The following TMEM132C variants were observed in gnomAD, a reference collection of about 807,000 sequenced individuals.
TMEM132C encodes the protein protein phosphatase 1, regulatory subunit 152.
In TMEM132C, 29 loss-of-function variants were observed where a neutral mutation model predicts 61.4. The ratio of observed to expected loss-of-function variants is 0.47; its 90% CI spans 0.35 to 0.64. The LOEUF (loss-of-function observed/expected upper bound fraction) is 0.64. Ranked by LOEUF, TMEM132C falls within the 30% of genes least tolerant of loss-of-function variation. TMEM132C has a pLI of 0.00. For synonymous variants in TMEM132C, 656 were observed against 633.1 expected, an observed-to-expected ratio of 1.04 and a Z score of -0.54; for missense variants, 1,408 against 1,476.9, an observed-to-expected ratio of 0.95 and a Z score of 0.76.
intron 1 of TMEM132C, among the ~76,000 whole-genome samples, chr12:128,281,202 T>G (rs1463596190): frequency 6.6e-6 from 1 of 152,176 alleles, no homozygotes; most frequent in Non-Finnish European, 1.5e-5. Context: ...CATGTATCAC[T>G]CAGCTGTCAA....
At chr12:128,666,684 G>A (rs1000047236) in intron 4 of TMEM132C, among the ~76,000 whole-genome samples, 1 of 152,332 alleles carries the variant, frequency 6.6e-6, no homozygotes, top group South Asian at 2.1e-4. Context: ...CAAACTACCA[G>A]TCAGAAGAGT....
At chr12:128,690,857 C>G (rs1954714431) in intron 5 of TMEM132C, among the ~76,000 whole-genome samples, 1 of 152,320 alleles carries the variant, frequency 6.6e-6, no homozygotes, top group Non-Finnish European at 1.5e-5. Flanking sequence ...CAAATTCTCT[C>G]AGCCCAGCCC....
At chr12:128,355,660 A>G (rs796939668) in intron 1 of TMEM132C, among the ~76,000 whole-genome samples, 30 of 151,036 alleles carry the variant, frequency 2.0e-4, no homozygotes, top group African/African-American at 7.3e-4. Flanking sequence ...ACCCCCAGGC[A>G]CCTCCCCTGA....
intron 2 of TMEM132C, among the ~76,000 whole-genome samples, chr12:128,474,698 C>A (rs781782013): frequency 6.6e-6 from 1 of 152,106 alleles, no homozygotes; most frequent in Non-Finnish European, 1.5e-5. Flanking sequence ...CAATATAGCC[C>A]GTTTGTGCCA....
chr12:128,425,204 C>G (rs922101953), intron 2 of TMEM132C, among the ~76,000 whole-genome samples: 2 of 152,240 alleles, frequency 1.3e-5, no homozygotes, highest in Admixed American at 6.5e-5. Flanking sequence ...AAGACACTAT[C>G]TCCATGATGC....
At chr12:128,530,506 C>T (rs936285400) in intron 2 of TMEM132C, among the ~76,000 whole-genome samples, 4 of 151,738 alleles carry the variant, frequency 2.6e-5, no homozygotes, top group Non-Finnish European at 4.4e-5. Context: ...TGCAGTGGCA[C>T]AATCTCGGCT....
chr12:128,540,931 CTCTCTG>C (rs1347422607), intron 2 of TMEM132C, among the ~76,000 whole-genome samples: 7 of 132,466 alleles, frequency 5.3e-5, no homozygotes, highest in Non-Finnish European at 1.0e-4. Flanking sequence ...CTGTCTGTTT[CTCTCTG>C]TCTCTGTCTG....
At chr12:128,366,938 A>G (rs1873890104) in intron 1 of TMEM132C, among the ~76,000 whole-genome samples, 1 of 152,236 alleles carries the variant, frequency 6.6e-6, no homozygotes, top group Non-Finnish European at 1.5e-5. Flanking sequence ...AAATGTGTGC[A>G]GAAGTAAGTC....
chr12:128,689,723 T>C (rs566840163), intron 5 of TMEM132C, among the ~76,000 whole-genome samples: 1 of 152,302 alleles, frequency 6.6e-6, no homozygotes, highest in East Asian at 1.9e-4. Flanking sequence ...CATAACTAAA[T>C]GATTACCATC....
intron 3 of TMEM132C, among the ~76,000 whole-genome samples, chr12:128,569,649 G>A (rs973126456): frequency 2.0e-5 from 3 of 152,308 alleles, no homozygotes; most frequent in Admixed American, 1.3e-4. Context: ...ACACTAGAGC[G>A]GCTTGTGGAG....
chr12:128,383,910 C>T (rs1053170748), intron 1 of TMEM132C, among the ~76,000 whole-genome samples: 12 of 152,174 alleles, frequency 7.9e-5, no homozygotes, highest in South Asian at 2.1e-4. Context: ...TACATAACGA[C>T]GCTTTTTAAA....
intron 3 of TMEM132C, among the ~76,000 whole-genome samples, chr12:128,553,379 G>A (rs1874234754): frequency 6.6e-6 from 1 of 152,104 alleles, no homozygotes; most frequent in South Asian, 2.1e-4. Context: ...TCAAAGATAT[G>A]TTTTTTAAAC....
intron 4 of TMEM132C, among the ~76,000 whole-genome samples, chr12:128,621,798 G>T (rs1251402589): frequency 6.6e-6 from 1 of 152,172 alleles, no homozygotes; most frequent in Non-Finnish European, 1.5e-5. Context: ...CAACTGCCTT[G>T]CCCTGCCCCT....
intron 1 of TMEM132C, chr12:128,400,102 C>G (rs1229393789): frequency 1.3e-5 from 2 of 152,230 alleles, no homozygotes; most frequent in African/African-American, 2.4e-5. Flanking sequence ...CTCTTAGAAG[C>G]TTTTGGCTGA....
At chr12:128,507,455 T>C (rs1872411927) in intron 2 of TMEM132C, among the ~76,000 whole-genome samples, 1 of 149,774 alleles carries the variant, frequency 6.7e-6, no homozygotes, top group African/African-American at 2.5e-5. Context: ...AGCTTAGTCT[T>C]TCAGATGAAA....
At chr12:128,543,041 A>G (rs1873816555) in intron 2 of TMEM132C, among the ~76,000 whole-genome samples, 1 of 152,042 alleles carries the variant, frequency 6.6e-6, no homozygotes, top group African/African-American at 2.4e-5. Flanking sequence ...TCGTCCGTTT[A>G]TTGATAAGGA....
chr12:128,705,966 C>G lies in TMEM132C; in HGVS notation c.2998C>G (p.Arg1000Gly). 1 of 1,551,524 alleles carries G rather than the reference C, an allele frequency of 6.4e-7. No homozygotes were observed. Among genetic ancestry groups the G allele is most frequent in the Non-Finnish European group, 8.7e-7 (1 of 1,146,954 alleles). ...PQDEHTTIID[R>G]GPGACEESNH... Reference sequence around the variant, plus strand: ...GGACGAGCACACCACCATCATAGACCGCGGACCGGGGGCCTGCGAGGAGAG... The same window carrying G: ...GGACGAGCACACCACCATCATAGACGGCGGACCGGGGGCCTGCGAGGAGAG... The change falls in exon 9 of 9, where the codon CGC (arginine) becomes GGC (glycine). Residue 1000 changes from arginine (R) to glycine (G), a missense_variant. Coordinates refer to ENST00000435159, the MANE Select transcript of TMEM132C (RefSeq NM_001136103.3).
At chr12:128,573,984 G>A (rs1336958080) in intron 3 of TMEM132C, among the ~76,000 whole-genome samples, 2 of 151,646 alleles carry the variant, frequency 1.3e-5, no homozygotes, top group Non-Finnish European at 2.9e-5. Context: ...TTTCCCCAAG[G>A]AAAACTGGAT....
chr12:128,529,746 A>T (rs1419643772), intron 2 of TMEM132C, among the ~76,000 whole-genome samples: 2 of 152,190 alleles, frequency 1.3e-5, no homozygotes, highest in African/African-American at 2.4e-5. Flanking sequence ...AGATCGTGCC[A>T]CTGCACTCCA....
Sources: allele counts gnomAD v4.1 joint callset (sites outside exome capture counted in the v4.1 genomes callset), GRCh38; gene constraint gnomAD v4.1.1; transcripts MANE v1.5; gene names NCBI Gene and HGNC (gene_info 2026-07-23, HGNC 2026-07-21).